Variants in MAST4 observed in about 807,000 individuals in gnomAD.
The protein encoded by MAST4 is microtubule-associated serine/threonine-protein kinase 4.
MAST4 carries 89 observed loss-of-function variants against 162.7 expected under a neutral mutation model. That is an observed-to-expected ratio of 0.55 (90% CI 0.46 to 0.65). MAST4 has a LOEUF of 0.65. Ranked by LOEUF, MAST4 falls within the 30% of genes least tolerant of loss-of-function variation. The pLI, the probability that MAST4 is intolerant of heterozygous loss-of-function variation, is 0.00. For synonymous variants in MAST4, 1,479 were observed against 1,361.1 expected, an observed-to-expected ratio of 1.09 and a Z score of -1.91; for missense variants, 3,153 against 3,374.0, an observed-to-expected ratio of 0.93 and a Z score of 1.62.
At chr5:66,874,234 A>G (rs1315151025) in intron 3 of MAST4, among the ~76,000 whole-genome samples, 1 of 152,182 alleles carries the variant, frequency 6.6e-6, no homozygotes, top group African/African-American at 2.4e-5. Context: ...TGAACAAAGA[A>G]TGAAGCAAAA....
At chr5:66,599,585 A>G (rs1458789334) in intron 1 of MAST4, among the ~76,000 whole-genome samples, 1 of 152,180 alleles carries the variant, frequency 6.6e-6, no homozygotes, top group Non-Finnish European at 1.5e-5. Flanking sequence ...GTAAATATTA[A>G]TTTTTTAAGG....
intron 3 of MAST4, among the ~76,000 whole-genome samples, chr5:66,834,582 C>T (rs977389005): frequency 2.0e-5 from 3 of 152,124 alleles, no homozygotes; most frequent in Non-Finnish European, 4.4e-5. Context: ...GAACACATGC[C>T]AGGCTGCCCC....
At chr5:66,958,567 C>T (rs1745600132) in intron 4 of MAST4, among the ~76,000 whole-genome samples, 1 of 152,196 alleles carries the variant, frequency 6.6e-6, no homozygotes, top group South Asian at 2.1e-4. Context: ...TTCCTATCAT[C>T]GGGTTTGCCT....
chr5:66,796,771 G>A (rs553125270), intron 3 of MAST4, among the ~76,000 whole-genome samples: 1 of 152,282 alleles, frequency 6.6e-6, no homozygotes, highest in Admixed American at 6.5e-5. Flanking sequence ...TTAGGAGGTC[G>A]ACAGCTTGTC....
At chr5:66,803,041 C>T (rs558347228) in intron 3 of MAST4, among the ~76,000 whole-genome samples, 103 of 152,222 alleles carry the variant, frequency 6.8e-4, no homozygotes, top group Non-Finnish European at 1.1e-3. Flanking sequence ...CTAGTACTGA[C>T]GTTTCTTGGC....
chr5:67,077,192 CT>C (rs111480236), intron 5 of MAST4, among the ~76,000 whole-genome samples: 10 of 150,040 alleles, frequency 6.7e-5, no homozygotes, highest in Middle Eastern at 3.5e-3. Context: ...GTAAAATTCA[CT>C]TTTTTTTTTC....
At chr5:66,785,238 A>G (rs1755059818) in intron 2 of MAST4, among the ~76,000 whole-genome samples, 1 of 152,202 alleles carries the variant, frequency 6.6e-6, no homozygotes, top group African/African-American at 2.4e-5. Context: ...CTCAAAAAAC[A>G]AAACAAAACA....
At chr5:67,140,861 G>T (rs1041455125) in intron 19 of MAST4, among the ~76,000 whole-genome samples, 1 of 152,206 alleles carries the variant, frequency 6.6e-6, no homozygotes, top group African/African-American at 2.4e-5. Flanking sequence ...AAACCACTTG[G>T]ATAGAATATG....
At chr5:66,754,154 AAAT>A (rs1229168788) in intron 1 of MAST4, among the ~76,000 whole-genome samples, 1 of 152,164 alleles carries the variant, frequency 6.6e-6, no homozygotes, top group East Asian at 1.9e-4. Context: ...ACGTATCTCA[AAAT>A]AATAAGAGCT....
chr5:66,627,067 T>G (rs1178233523), intron 1 of MAST4, among the ~76,000 whole-genome samples: 1 of 152,196 alleles, frequency 6.6e-6, no homozygotes, highest in Non-Finnish European at 1.5e-5. Flanking sequence ...CTGGGTAATT[T>G]ATAAAGGAAA....
At chr5:66,932,193 A>C (rs1742263068) in intron 4 of MAST4, among the ~76,000 whole-genome samples, 1 of 152,228 alleles carries the variant, frequency 6.6e-6, no homozygotes, top group Non-Finnish European at 1.5e-5. Context: ...CACCGTTATC[A>C]GAAACATGCC....
chr5:66,743,666 A>G (rs541511370), intron 1 of MAST4, among the ~76,000 whole-genome samples: 19 of 152,284 alleles, frequency 1.2e-4, no homozygotes, highest in Non-Finnish European at 2.4e-4. Context: ...CTAGTAATGG[A>G]GAGGCAGAGA....
intron 6 of MAST4, among the ~76,000 whole-genome samples, chr5:67,092,656 A>T (rs147641479): frequency 2.0e-5 from 3 of 152,320 alleles, no homozygotes; most frequent in African/African-American, 7.2e-5. Context: ...TTTGATGGAA[A>T]CATAGAGCCC....
intron 3 of MAST4, among the ~76,000 whole-genome samples, chr5:66,856,174 A>G (rs1357720785): frequency 3.3e-5 from 5 of 152,026 alleles, no homozygotes; most frequent in Non-Finnish European, 7.4e-5. Flanking sequence ...ACCAAAACAA[A>G]AGAGAGAGAG....
intron 3 of MAST4, among the ~76,000 whole-genome samples, chr5:66,790,378 C>T (rs1030810935): frequency 6.6e-6 from 1 of 151,980 alleles, no homozygotes; most frequent in Non-Finnish European, 1.5e-5. Context: ...CTATAAAGTC[C>T]CTTTCTTCTC....
intron 1 of MAST4, among the ~76,000 whole-genome samples, chr5:66,609,299 T>C (rs1357486373): frequency 1.3e-5 from 2 of 152,100 alleles, no homozygotes; most frequent in Non-Finnish European, 2.9e-5. Flanking sequence ...CTGTATGTTC[T>C]GGACATAGCT....
chr5:66,603,997 T>C lies in MAST4; in HGVS notation c.363+6979T>C, dbSNP rs137981521. ...GCTGCTGCGCATTTGTGTTTTTCCC[T>C]TTCTTCACCCTTCTCTCATCGCCCT... is the stretch of plus-strand genomic sequence containing the variant. On this transcript the variant is annotated intron_variant, in intron 1 of 28. Coordinates refer to ENST00000403625, the MANE Select transcript of MAST4 (RefSeq NM_001164664.2). Among the ~76,000 whole-genome samples the C allele has an allele frequency of 1.4e-4, 22 of 152,348 alleles. No individual in the cohort carries two copies. The East Asian group carries it at 4.2e-3, about 29-fold the overall frequency.
intron 4 of MAST4, among the ~76,000 whole-genome samples, chr5:66,918,246 T>G (rs1222019820): frequency 6.6e-6 from 1 of 152,168 alleles, no homozygotes; most frequent in Non-Finnish European, 1.5e-5. Flanking sequence ...TTTGCATGTC[T>G]GTTTATGTAC....
chr5:66,780,266 G>A (rs1054657331), intron 2 of MAST4, among the ~76,000 whole-genome samples: 1 of 151,414 alleles, frequency 6.6e-6, no homozygotes, highest in Admixed American at 6.6e-5. Context: ...CACTTTCTAT[G>A]AAAGAATGCA....
Sources: gnomAD v4.1 joint callset for allele counts (sites outside exome capture counted in the v4.1 genomes callset) on GRCh38, gnomAD v4.1.1 for gene constraint, MANE v1.5 for transcripts, NCBI Gene and HGNC (gene_info 2026-07-23, HGNC 2026-07-21) for gene names.